The following NT5C3A variants were observed in gnomAD, a reference collection of about 807,000 sequenced individuals.
NT5C3A encodes cytosolic 5'-nucleotidase 3A.
Under a neutral mutation model 40.0 loss-of-function variants are expected in NT5C3A, and 23 were observed. The observed-to-expected ratio is 0.58, with a 90% CI of 0.41 to 0.81. The LOEUF (loss-of-function observed/expected upper bound fraction) is 0.81. Ranked by LOEUF, NT5C3A falls within the 40% of genes least tolerant of loss-of-function variation. NT5C3A has a pLI of 0.00. For missense variants in NT5C3A, 328 were observed against 403.0 expected (o/e 0.81, Z 1.59); for synonymous variants, 130 against 141.4 (o/e 0.92, Z 0.57).
At chr7:33,058,033 T>G (rs1437300703) in intron 1 of NT5C3A, among the ~76,000 whole-genome samples, 1 of 152,254 alleles carries the variant, frequency 6.6e-6, no homozygotes, top group Non-Finnish European at 1.5e-5. Flanking sequence ...CATTTTTTTT[T>G]CCTTTTGGCT....
At chr7:33,034,314 T>A (rs1220845523) in intron 1 of NT5C3A, among the ~76,000 whole-genome samples, 1 of 152,184 alleles carries the variant, frequency 6.6e-6, no homozygotes, top group Non-Finnish European at 1.5e-5. Context: ...GTGGAGTGAA[T>A]ACACTGCTAC....
rs1485164760 is a variant in NT5C3A, at chr7:33,062,625, A to G, written c.81T>C (p.Ala27=). 3 of 1,606,796 alleles carry G rather than the reference A, an allele frequency of 1.9e-6. No individual in the cohort carries two copies. Among genetic ancestry groups the G allele is most frequent in the Non-Finnish European group, 2.5e-6 (3 of 1,177,574 alleles). Residue 27 remains alanine, a synonymous_variant, in exon 1 of 9, where the codon GCT becomes GCC. Coordinates refer to ENST00000610140, the MANE Select transcript of NT5C3A (RefSeq NM_001002010.5). The stretch of plus-strand genomic sequence containing the variant: ...TCCTCTTCAAGGTGAATATGTACTG[A>G]GCCAGCACCACCCCCGCCACCAGGG... The part of the protein sequence containing the change: ...VCALVAGVVL[A]QYIFTLKRKT...
chr7:33,029,029 C>T (rs187474781), intron 1 of NT5C3A, among the ~76,000 whole-genome samples: 2 of 151,554 alleles, frequency 1.3e-5, no homozygotes, highest in Non-Finnish European at 2.9e-5. Context: ...AAGACAAATG[C>T]TAACATTAAA....
chr7:33,024,948 T>C (rs555270657), intron 2 of NT5C3A, among the ~76,000 whole-genome samples: 2 of 152,104 alleles, frequency 1.3e-5, no homozygotes, highest in South Asian at 4.1e-4. Context: ...GAGATCAGCC[T>C]GGCCAAGATG....
chr7:33,062,755 G>C lies in NT5C3A; in HGVS notation c.-50C>G. ...AGCAGGAAAAAAACAGGCAGCTCGCGTAGACTGCGAGTCTCGGAAGCGCGG... is the reference window on the plus strand; with the variant it reads ...AGCAGGAAAAAAACAGGCAGCTCGCCTAGACTGCGAGTCTCGGAAGCGCGG... On this transcript the variant is annotated 5_prime_UTR_variant, in exon 1 of 9. Transcript: ENST00000610140. The C allele has an allele frequency of 3.9e-6, 6 of 1,548,634 alleles. No individual in the cohort carries two copies. Among genetic ancestry groups the C allele is most frequent in the Non-Finnish European group, 4.4e-6 (5 of 1,146,498 alleles).
intron 1 of NT5C3A, among the ~76,000 whole-genome samples, chr7:33,028,143 T>C (rs1161569451): frequency 3.3e-5 from 5 of 152,228 alleles, no homozygotes; most frequent in South Asian, 2.1e-4. Context: ...CAAATGGAGA[T>C]AACTGCCAAA....
intron 2 of NT5C3A, among the ~76,000 whole-genome samples, chr7:33,026,378 C>T (rs578057189): frequency 1.1e-4 from 9 of 84,640 alleles, no homozygotes; most frequent in African/African-American, 4.2e-4. Context: ...AAAAAAGAAG[C>T]CTTTATTATT....
chr7:33,052,753 G>C (rs1246776408), intron 1 of NT5C3A, among the ~76,000 whole-genome samples: 2 of 152,096 alleles, frequency 1.3e-5, no homozygotes, highest in Non-Finnish European at 2.9e-5. Flanking sequence ...AATTTTAATT[G>C]TTTACTTAAA....
chr7:33,039,687 G>T (rs1786820864), intron 1 of NT5C3A, among the ~76,000 whole-genome samples: 1 of 149,824 alleles, frequency 6.7e-6, no homozygotes, highest in Non-Finnish European at 1.5e-5. Context: ...TTCCTAATTA[G>T]ATTTTCAACT....
intron 1 of NT5C3A, among the ~76,000 whole-genome samples, chr7:33,037,976 G>A (rs1786702716): frequency 2.0e-5 from 3 of 151,932 alleles, no homozygotes; most frequent in Non-Finnish European, 4.4e-5. Flanking sequence ...TTCTGTCACA[G>A]TCATCCAGAT....
At chr7:33,045,349 A>C (rs1164732427) in intron 1 of NT5C3A, among the ~76,000 whole-genome samples, 2 of 152,264 alleles carry the variant, frequency 1.3e-5, no homozygotes, top group East Asian at 3.8e-4. Context: ...AATAGAACTG[A>C]AACAAGGTAC....
chr7:33,033,877 C>CATATATATATATAT (rs1554291562), intron 1 of NT5C3A, among the ~76,000 whole-genome samples: 2,024 of 125,796 alleles, frequency 0.016, 72 homozygotes, highest in African/African-American at 0.057. Context: ...ATATAAAAGA[C>CATATATATATATAT]ATATATATAT....
At chr7:33,060,757 C>T in intron 1 of NT5C3A, among the ~76,000 whole-genome samples, 1 of 152,056 alleles carries the variant, frequency 6.6e-6, no homozygotes, top group East Asian at 1.9e-4. Flanking sequence ...CAGAGCAGAC[C>T]TACATTATTA....
At chr7:33,049,813 C>CA (rs1351264399) in intron 1 of NT5C3A, among the ~76,000 whole-genome samples, 1 of 151,076 alleles carries the variant, frequency 6.6e-6, no homozygotes. Context: ...ACTAAAAATA[C>CA]AAAAAAATTA....
rs1309735533 is a variant in NT5C3A, at chr7:33,014,477, T to G, written c.*253A>C. Reference sequence around the variant, plus strand: ...AACTACAAAATTCACTTTGGAAAAGTAGGGAGTTATTTTTCTAATTTTAGC... The same window carrying G: ...AACTACAAAATTCACTTTGGAAAAGGAGGGAGTTATTTTTCTAATTTTAGC... On this transcript the variant is annotated 3_prime_UTR_variant, in exon 9 of 9. Transcript: ENST00000610140. The G allele has an allele frequency of 1.9e-6, 1 of 523,150 alleles. No homozygotes were observed. Among genetic ancestry groups the G allele is most frequent in the South Asian group, 1.6e-5 (1 of 64,382 alleles). The allele number at this position is 523,150 out of a possible 1,614,324, so 32.4% of individuals were successfully genotyped here.
intron 7 of NT5C3A, among the ~76,000 whole-genome samples, chr7:33,016,669 CAAAAA>C (rs386409862): frequency 3.3e-5 from 3 of 91,880 alleles, no homozygotes; most frequent in African/African-American, 3.9e-5. Flanking sequence ...GACTCCCTCT[CAAAAA>C]AAAAAAAAAA....
chr7:33,019,081 C>T (rs921516566), intron 6 of NT5C3A, among the ~76,000 whole-genome samples: 25 of 151,616 alleles, frequency 1.6e-4, no homozygotes, highest in African/African-American at 6.1e-4. Context: ...TGGTGAAATC[C>T]CATCTTTACA....
In NT5C3A at chr7:33,025,258, G is replaced by A. The variant is rs565987710; in HGVS notation, c.238-1150C>T. On this transcript the variant is annotated intron_variant, in intron 2 of 8. Transcript: ENST00000610140. ...GCTACTCTTCTCACTAGAGATTTTC[G>A]ACCAACTTGGTCAATGCACAAAAAT... 1.2e-4 allele frequency among the ~76,000 whole-genome samples: 19 copies of A among 152,176 alleles called. No individual in the cohort carries two copies. The East Asian group carries it at 3.7e-3, about 29-fold the overall frequency.
Position 33,015,661 on chromosome 7 carries a change from T to A in NT5C3A, c.894+9A>T. ...TTCTTCGAAAAAAATTACAGATTTGTATACTTACTCTATCATTTAGATATC... is the reference window on the plus strand; with the variant it reads ...TTCTTCGAAAAAAATTACAGATTTGAATACTTACTCTATCATTTAGATATC... On this transcript the variant is annotated intron_variant, in intron 8 of 8. Coordinates refer to ENST00000610140, the MANE Select transcript of NT5C3A (RefSeq NM_001002010.5). 6.4e-7 allele frequency: 1 copy of A among 1,561,976 alleles called. No individual in the cohort carries two copies.
Sources: gnomAD v4.1 joint callset for allele counts (sites outside exome capture counted in the v4.1 genomes callset) on GRCh38, gnomAD v4.1.1 for gene constraint, MANE v1.5 for transcripts, NCBI Gene and HGNC (gene_info 2026-07-23, HGNC 2026-07-21) for gene names.